Variants in BIRC2 observed in about 807,000 individuals in gnomAD.
BIRC2 encodes the protein baculoviral IAP repeat containing 2, also known as baculoviral IAP repeat-containing protein 2.
A neutral mutation model predicts 60.9 loss-of-function variants in BIRC2; 18 were observed. The observed-to-expected ratio is 0.30, with a 90% CI of 0.20 to 0.44. BIRC2 has a LOEUF of 0.44. BIRC2 is among the 20% of genes least tolerant of loss of function. The pLI is 1.00. For missense variants in BIRC2, 701 were observed against 728.5 expected (o/e 0.96, Z 0.43); for synonymous variants, 282 against 247.7 (o/e 1.14, Z -1.30).
chr11:102,352,577 A>T (rs972865274), intron 3 of BIRC2, among the ~76,000 whole-genome samples: 3 of 151,922 alleles, frequency 2.0e-5, no homozygotes. Context: ...TGCCTGGTTA[A>T]TTTTTTTGTA....
rs576906945 is a variant in BIRC2, at chr11:102,372,083, G to A, written c.1366+3535G>A. 2.3e-3 allele frequency among the ~76,000 whole-genome samples: 349 copies of A among 152,046 alleles called. 1 individual carries two copies. The highest frequency in any genetic ancestry group is 7.4e-3 in the African/African-American group (309 of 41,488). ...TTTCTTCTTTATTAGTCTTGCTAGC[G>A]GTCTATCTATTTTGTTGATCTTTTC... is the stretch of plus-strand genomic sequence containing the variant. On this transcript the variant is annotated intron_variant, in intron 6 of 8. Transcript: ENST00000227758.
At chr11:102,368,816 G>C (rs1361890540) in intron 6 of BIRC2, among the ~76,000 whole-genome samples, 2 of 151,856 alleles carry the variant, frequency 1.3e-5, no homozygotes, top group Non-Finnish European at 2.9e-5. Context: ...GCTCTTTCTT[G>C]AGCTGTATTC....
chr11:102,371,578 A>G (rs1477164499), intron 6 of BIRC2, among the ~76,000 whole-genome samples: 1 of 148,010 alleles, frequency 6.8e-6, no homozygotes, highest in Non-Finnish European at 1.5e-5. Context: ...CCAGTATTTT[A>G]TTGAGGATTT....
intron 6 of BIRC2, 59 bp downstream of exon 6, chr11:102,368,607 A>C: frequency 1.3e-6 from 2 of 1,577,568 alleles, no homozygotes; most frequent in Non-Finnish European, 1.7e-6. Flanking sequence ...GGACTGTCTC[A>C]CATGTTACAG....
intron 6 of BIRC2, among the ~76,000 whole-genome samples, chr11:102,373,674 T>C (rs1387340306): frequency 1.3e-5 from 2 of 150,898 alleles, no homozygotes; most frequent in Non-Finnish European, 3.0e-5. Flanking sequence ...AGGAGTATCT[T>C]TGTGGCGTTC....
rs747990760 is a variant in BIRC2 at position 102,350,240 on chromosome 11, C to T, written c.386C>T (p.Ser129Phe). ...ASLGSTSKNT[S>F]PMRNSFAHSL... ...CTGGGATCCACCTCTAAGAATACGT[C>T]TCCAATGAGAAACAGTTTTGCACAT... is the stretch of plus-strand genomic sequence containing the variant. The change falls in exon 2 of 9, where the codon TCT becomes TTT. Residue 129 changes from serine (S) to phenylalanine (F), a missense_variant. This residue lies in a region of BIRC2 where 375 missense variants were observed against 365.9 expected (regional missense o/e 1.02). Transcript: ENST00000227758. 2 of 1,614,214 alleles carry T rather than the reference C, an allele frequency of 1.2e-6. No homozygotes were observed. The highest frequency in any genetic ancestry group is 1.7e-6 in the Non-Finnish European group (2 of 1,180,038).
chr11:102,377,300 A>C (rs560300246), intron 6 of BIRC2, among the ~76,000 whole-genome samples, 196 bp from the exon 7 acceptor site: 1 of 152,334 alleles, frequency 6.6e-6, no homozygotes, highest in African/African-American at 2.4e-5. Flanking sequence ...GTAAATATAT[A>C]GACTTAAAAA....
chr11:102,349,730 AAAG>A lies in BIRC2; in HGVS notation c.-122_-120del, dbSNP rs1951332029. 4 of 1,003,712 alleles carry A rather than the reference AAAG, an allele frequency of 4.0e-6. No homozygotes were observed. Among genetic ancestry groups the A allele is most frequent in the Non-Finnish European group, 4.3e-6 (3 of 690,610 alleles). The allele number at this position is 1,003,712 out of a possible 1,614,324, so 62.2% of individuals were successfully genotyped here. ...GAATATAAACTGAGATAAATCCAGTAAAGAAAGTGTAGTAAATTCTACATAAGA... is the reference window on the plus strand; with the variant it reads ...GAATATAAACTGAGATAAATCCAGTAAAAGTGTAGTAAATTCTACATAAGA... On this transcript the variant is annotated 5_prime_UTR_variant, in exon 2 of 9. Coordinates refer to ENST00000227758, the MANE Select transcript of BIRC2 (RefSeq NM_001166.5).
At position 102,348,804 on chromosome 11, in the gene BIRC2, A is replaced by G. The variant is rs1951319562; in HGVS notation, c.-1051A>G. On this transcript the variant is annotated 5_prime_UTR_variant, in exon 2 of 9. Transcript: ENST00000227758. ...TTACTGATACTTTATGCTAAGCAGTACTTTTTTGGTAGTACAATATTTTGT... is the reference window on the plus strand; with the variant it reads ...TTACTGATACTTTATGCTAAGCAGTGCTTTTTTGGTAGTACAATATTTTGT... The G allele has an allele frequency of 4.6e-5, 13 of 285,382 alleles. No individual in the cohort carries two copies. Among genetic ancestry groups the G allele is most frequent in the South Asian group, 4.0e-4 (13 of 32,528 alleles). The allele number at this position is 285,382 out of a possible 1,614,324, so 17.7% of individuals were successfully genotyped here. A position where few individuals can be genotyped will look rare whatever the true frequency, so the allele number is the denominator to read the frequency against.
At position 102,350,176 on chromosome 11, in the gene BIRC2, C is replaced by A; in HGVS notation, c.322C>A (p.Pro108Thr). Residue 108 changes from proline to threonine, a missense_variant, in exon 2 of 9, where the codon CCT becomes ACT. Around this residue, in one of 4 missense-constraint regions of BIRC2, gnomAD observed 375 missense variants for 365.9 expected, o/e 1.02. Coordinates refer to ENST00000227758, the MANE Select transcript of BIRC2 (RefSeq NM_001166.5). ...SPIQKHKQLY[P>T]SCSFIQNLVS... Reference sequence around the variant, plus strand: ...TATTCAAAAGCATAAACAGCTATATCCTAGCTGTAGCTTTATTCAGAATCT... The same window carrying A: ...TATTCAAAAGCATAAACAGCTATATACTAGCTGTAGCTTTATTCAGAATCT... The A allele has an allele frequency of 6.2e-7, 1 of 1,614,136 alleles. No homozygotes were observed. Among genetic ancestry groups the A allele is most frequent in the East Asian group, 2.2e-5 (1 of 44,884 alleles).
chr11:102,365,941 T>C (rs1326910552), intron 5 of BIRC2, among the ~76,000 whole-genome samples: 1 of 152,184 alleles, frequency 6.6e-6, no homozygotes, highest in Non-Finnish European at 1.5e-5. Flanking sequence ...GACCCCATAC[T>C]CTTGGTTTTC....
intron 6 of BIRC2, among the ~76,000 whole-genome samples, chr11:102,375,031 A>G: frequency 6.6e-6 from 1 of 152,166 alleles, no homozygotes; most frequent in East Asian, 1.9e-4. Context: ...CGGTTTGCAC[A>G]CGGTGCGCGC....
intron 6 of BIRC2, 94 bp from the exon 7 acceptor site, chr11:102,377,402 C>T: frequency 1.7e-6 from 2 of 1,155,436 alleles, no homozygotes; most frequent in Non-Finnish European, 1.2e-6. Context: ...TATTTAGTGC[C>T]TAAATTGTTT....
intron 1 of BIRC2, chr11:102,348,222 A>AGTACACTG (rs1951314096): frequency 2.6e-5 from 4 of 152,286 alleles, no homozygotes; most frequent in Non-Finnish European, 5.9e-5. Flanking sequence ...ACTGCTGCTG[A>AGTACACTG]CAGGGTGTAG....
chr11:102,361,936 G>T (rs1224901731), intron 3 of BIRC2, among the ~76,000 whole-genome samples: 1 of 148,262 alleles, frequency 6.7e-6, no homozygotes, highest in Non-Finnish European at 1.5e-5. Flanking sequence ...GTTGTTTTTT[G>T]TGGGTGGAAG....
Position 102,349,985 on chromosome 11 carries a change from C to T in BIRC2, c.131C>T (p.Ser44Phe), listed in dbSNP as rs2135802436. 1 of 1,614,174 alleles carries T rather than the reference C, an allele frequency of 6.2e-7. No homozygotes were observed. Among genetic ancestry groups the T allele is most frequent in the East Asian group, 2.2e-5 (1 of 44,890 alleles). ...AAACAAAAAATGAAGTATGACTTTT[C>T]CTGTGAACTCTACAGAATGTCTACA... ...SNKQKMKYDF[S>F]CELYRMSTYS... The change falls in exon 2 of 9, where the codon TCC becomes TTC. Residue 44 changes from serine to phenylalanine, a missense_variant. Physicochemically the swap from Ser to Phe is radical, Grantham distance 155 (BLOSUM62 -2). Around this residue, in one of 4 missense-constraint regions of BIRC2, gnomAD observed 375 missense variants for 365.9 expected, o/e 1.02. Coordinates refer to ENST00000227758, the MANE Select transcript of BIRC2 (RefSeq NM_001166.5).
chr11:102,350,778 C>A, intron 2 of BIRC2, 29 bp downstream of exon 2: 1 of 1,600,992 alleles, frequency 6.2e-7, no homozygotes, highest in Non-Finnish European at 8.5e-7. Context: ...TACATTTTAT[C>A]ATTTTATTTT....
intron 6 of BIRC2, among the ~76,000 whole-genome samples, chr11:102,374,418 T>TA (rs1951676596): frequency 6.7e-6 from 1 of 148,428 alleles, no homozygotes; most frequent in Non-Finnish European, 1.5e-5. Flanking sequence ...TCTGTTGGAA[T>TA]ACCCTGCCGT....
At chr11:102,376,251 C>G (rs1030832523) in intron 6 of BIRC2, among the ~76,000 whole-genome samples, 1 of 152,168 alleles carries the variant, frequency 6.6e-6, no homozygotes, top group Non-Finnish European at 1.5e-5. Context: ...AAATACCTGA[C>G]TGCTACCTAG....
Sources: gnomAD v4.1 joint callset for allele counts (sites outside exome capture counted in the v4.1 genomes callset) on GRCh38, gnomAD v4.1.1 for gene constraint, gnomAD v4.1.1 regional missense constraint, MANE v1.5 for transcripts, NCBI Gene and HGNC (gene_info 2026-07-23, HGNC 2026-07-21) for gene names.